OR1L8: variants seen among roughly 807,000 people sequenced by gnomAD.
The protein encoded by OR1L8 is olfactory receptor 1L8.
For synonymous variants in OR1L8, 148 were observed against 147.0 expected (o/e 1.01, Z -0.05); for missense variants, 330 against 377.4 (o/e 0.87, Z 1.04).
chr9:122,579,845 A>C, intron 1 of OR1L8, among the ~76,000 whole-genome samples: 1 of 152,216 alleles, frequency 6.6e-6, no homozygotes, highest in East Asian at 1.9e-4. Flanking sequence ...GTGCTTACAA[A>C]GTCATTGGAA....
chr9:122,550,015 C>T, the OR1L8 span, among the ~76,000 whole-genome samples: 3 of 151,738 alleles, frequency 2.0e-5, no homozygotes, highest in African/African-American at 4.8e-5. Context: ...TCCATTTATT[C>T]GTGTCATCTA....
At chr9:122,553,335 A>G in the OR1L8 span, 2 of 1,614,016 alleles carry the variant, frequency 1.2e-6, no homozygotes, top group South Asian at 2.2e-5. Flanking sequence ...CCTGGTCACC[A>G]TGGTGGGGAA....
At chr9:122,580,745 G>A (rs1458700198) in intron 1 of OR1L8, among the ~76,000 whole-genome samples, 1 of 152,162 alleles carries the variant, frequency 6.6e-6, no homozygotes, top group African/African-American at 2.4e-5. Flanking sequence ...TGATAAGACT[G>A]TGCTGGTGTC....
chr9:122,574,317 T>C (rs1386987813), intron 3 of OR1L8, among the ~76,000 whole-genome samples: 3 of 152,194 alleles, frequency 2.0e-5, no homozygotes, highest in Non-Finnish European at 2.9e-5. Context: ...TTTGATAATA[T>C]TGAGCCTTCT....
At chr9:122,552,966 A>G in the OR1L8 span, 3 of 528,036 alleles carry the variant, frequency 5.7e-6, 1 homozygote, top group South Asian at 1.1e-4. Flanking sequence ...ATTCTGCTAT[A>G]GCATACAAAG....
chr9:122,568,020 G>A lies in OR1L8; in HGVS notation c.458C>T (p.Pro153Leu). The A allele has an allele frequency of 2.5e-6, 4 of 1,614,090 alleles. No individual in the cohort carries two copies. The highest frequency in any genetic ancestry group is 1.3e-5 in the African/African-American group (1 of 75,012). Residue 153 changes from proline (P) to leucine (L), a missense_variant, in exon 5 of 5, where the codon CCT (proline) becomes CTT (leucine). Coordinates refer to ENST00000641027, the MANE Select transcript of OR1L8 (RefSeq NM_001004454.2). ...TGTGTGCAGGAGTGAGTGGAGGTGAGGAAATGAGCAGGAGAAGGCCACCAG... is the reference window on the plus strand; with the variant it reads ...TGTGTGCAGGAGTGAGTGGAGGTGAAGAAATGAGCAGGAGAAGGCCACCAG... ...VLLVAFSCSF[P>L]HLHSLLHTLL...
downstream of OR1L8, among the ~76,000 whole-genome samples, chr9:122,565,644 T>C (rs534797017): frequency 4.7e-4 from 71 of 152,230 alleles, no homozygotes; most frequent in Non-Finnish European, 8.2e-4. Flanking sequence ...GCTTCTGTCA[T>C]AGAAGAAGTA....
chr9:122,562,910 C>T (rs1465501612), downstream of OR1L8, among the ~76,000 whole-genome samples: 12 of 152,180 alleles, frequency 7.9e-5, no homozygotes, highest in Admixed American at 6.5e-4. Flanking sequence ...TAAAAAAATC[C>T]GTGTATCCAC....
At chr9:122,560,514 C>T in the OR1L8 span, among the ~76,000 whole-genome samples, 2 of 152,118 alleles carry the variant, frequency 1.3e-5, no homozygotes, top group African/African-American at 4.8e-5. Context: ...TCTTGCAAGG[C>T]AGGCCTGGTG....
chr9:122,575,447 A>G (rs958433642), intron 3 of OR1L8, among the ~76,000 whole-genome samples: 1 of 152,088 alleles, frequency 6.6e-6, no homozygotes, highest in Admixed American at 6.5e-5. Flanking sequence ...CTTTCAAAGA[A>G]TTTGTCCATT....
the OR1L8 span, among the ~76,000 whole-genome samples, chr9:122,556,271 G>C: frequency 3.5e-5 from 5 of 144,532 alleles, no homozygotes; most frequent in South Asian, 1.1e-3. Flanking sequence ...TGTAATGTCT[G>C]TGTCTAGATT....
intron 1 of OR1L8, among the ~76,000 whole-genome samples, chr9:122,581,090 G>A (rs973294123): frequency 6.6e-6 from 1 of 152,072 alleles, no homozygotes; most frequent in Non-Finnish European, 1.5e-5. Context: ...AATATGGGCT[G>A]GGCACAGTGG....
chr9:122,556,467 A>G, the OR1L8 span, among the ~76,000 whole-genome samples: 6 of 151,864 alleles, frequency 4.0e-5, no homozygotes, highest in South Asian at 8.3e-4. Flanking sequence ...ATGCCACACT[A>G]TCTTAATTAC....
intron 4 of OR1L8, among the ~76,000 whole-genome samples, chr9:122,571,285 C>T (rs898752567): frequency 3.3e-5 from 5 of 152,124 alleles, no homozygotes; most frequent in African/African-American, 9.7e-5. Context: ...GGCGCGGTGG[C>T]TCACACCTGT....
the OR1L8 span, chr9:122,553,223 A>G: frequency 6.2e-7 from 1 of 1,613,758 alleles, no homozygotes; most frequent in East Asian, 2.2e-5. Context: ...TGGGAAAACC[A>G]GGCAGAGTGA....
At chr9:122,582,798 A>T (rs1027722034) in intron 1 of OR1L8, among the ~76,000 whole-genome samples, 4 of 152,158 alleles carry the variant, frequency 2.6e-5, no homozygotes, top group African/African-American at 7.2e-5. Context: ...GAATGAGACT[A>T]AAAAAGTTAG....
intron 2 of OR1L8, among the ~76,000 whole-genome samples, chr9:122,577,535 G>GTAATTAA (rs1829678926): frequency 1.3e-5 from 2 of 152,186 alleles, no homozygotes; most frequent in Non-Finnish European, 2.9e-5. Flanking sequence ...CAGTAAGCAT[G>GTAATTAA]TGAACAAGTA....
downstream of OR1L8, among the ~76,000 whole-genome samples, chr9:122,564,193 G>A (rs1403057127): frequency 6.6e-6 from 1 of 152,090 alleles, no homozygotes; most frequent in African/African-American, 2.4e-5. Flanking sequence ...CAATTATGGG[G>A]GTCATGTGAT....
chr9:122,550,865 C>T, the OR1L8 span, among the ~76,000 whole-genome samples: 7 of 151,632 alleles, frequency 4.6e-5, no homozygotes, highest in African/African-American at 1.5e-4. Flanking sequence ...ACTTTCATCA[C>T]TCCTATTCAA....
Sources: allele counts gnomAD v4.1 joint callset (sites outside exome capture counted in the v4.1 genomes callset), GRCh38; gene constraint gnomAD v4.1.1; transcripts MANE v1.5; gene names NCBI Gene and HGNC (gene_info 2026-07-23, HGNC 2026-07-21).